ADAMTSL1: variants seen among roughly 807,000 people sequenced by gnomAD.
ADAMTSL1 encodes ADAMTS-like protein 1.
Under a neutral mutation model 201.8 loss-of-function variants are expected in ADAMTSL1, and 126 were observed. That is an observed-to-expected ratio of 0.62 (90% confidence interval 0.54 to 0.72). The LOEUF is 0.72. Ranked by LOEUF, ADAMTSL1 falls within the 30% of genes least tolerant of loss-of-function variation. The pLI, the probability that ADAMTSL1 is intolerant of heterozygous loss-of-function variation, is 0.00. For synonymous variants in ADAMTSL1, 1,121 were observed against 903.4 expected (o/e 1.24, Z -4.32); for missense variants, 2,679 against 2,277.8 (o/e 1.18, Z -3.59).
At chr9:18,808,337 A>T (rs1322950206) in intron 20 of ADAMTSL1, among the ~76,000 whole-genome samples, 3 of 152,158 alleles carry the variant, frequency 2.0e-5, no homozygotes, top group African/African-American at 7.2e-5. Context: ...AAGCAACATT[A>T]TTTTCATTAA....
chr9:18,312,201 G>C (rs1834183800), intron 2 of ADAMTSL1, among the ~76,000 whole-genome samples: 1 of 152,224 alleles, frequency 6.6e-6, no homozygotes, highest in African/African-American at 2.4e-5. Context: ...GCTTTAACCT[G>C]TAAGGTGGTT....
At chr9:18,495,331 G>A (rs1822481389) in intron 1 of ADAMTSL1, among the ~76,000 whole-genome samples, 1 of 152,124 alleles carries the variant, frequency 6.6e-6, no homozygotes, top group Admixed American at 6.5e-5. Context: ...GGGCTATGAG[G>A]TAGGGTAGTG....
intron 2 of ADAMTSL1, among the ~76,000 whole-genome samples, chr9:18,511,752 T>A (rs1326447608): frequency 6.6e-6 from 1 of 152,196 alleles, no homozygotes; most frequent in African/African-American, 2.4e-5. Flanking sequence ...TACACTAATA[T>A]AGGCTTTAGT....
intron 2 of ADAMTSL1, among the ~76,000 whole-genome samples, chr9:18,417,392 A>C (rs1818732991): frequency 6.7e-6 from 1 of 149,736 alleles, no homozygotes; most frequent in African/African-American, 2.4e-5. Context: ...GAAAAAAAAA[A>C]CAAAGATGAG....
chr9:18,209,558 T>C (rs1263590654), intron 2 of ADAMTSL1, among the ~76,000 whole-genome samples: 1 of 152,178 alleles, frequency 6.6e-6, no homozygotes, highest in Admixed American at 6.5e-5. Context: ...CCCGATAAAC[T>C]TAATTCTTGA....
chr9:18,385,408 A>G (rs1837752188), intron 2 of ADAMTSL1, among the ~76,000 whole-genome samples: 1 of 152,174 alleles, frequency 6.6e-6, no homozygotes, highest in Non-Finnish European at 1.5e-5. Flanking sequence ...ACTGAAAACA[A>G]TGAGGAATTT....
chr9:18,689,068 G>T (rs59702319), intron 13 of ADAMTSL1, among the ~76,000 whole-genome samples: 2 of 152,008 alleles, frequency 1.3e-5, no homozygotes, highest in Non-Finnish European at 2.9e-5. Flanking sequence ...AAATATATAG[G>T]AATAGCTTTC....
At chr9:18,588,847 G>A (rs1418751810) in intron 4 of ADAMTSL1, among the ~76,000 whole-genome samples, 1 of 105,400 alleles carries the variant, frequency 9.5e-6, no homozygotes, top group African/African-American at 3.6e-5. Flanking sequence ...CCATGCTGTT[G>A]GGGTTACTAT....
At chr9:18,608,865 T>C (rs35629404) in intron 4 of ADAMTSL1, among the ~76,000 whole-genome samples, 9,597 of 152,210 alleles carry the variant, frequency 0.063, 375 homozygotes, top group Non-Finnish European at 0.091. Flanking sequence ...ACTTTTCCTT[T>C]TAAAAAGATC....
At chr9:18,547,592 C>T (rs907208642) in intron 3 of ADAMTSL1, among the ~76,000 whole-genome samples, 1 of 133,652 alleles carries the variant, frequency 7.5e-6, no homozygotes. Context: ...TCAGGAGTTT[C>T]GAGGAGGCTC....
At chr9:18,200,815 G>A (rs912239558) in intron 2 of ADAMTSL1, among the ~76,000 whole-genome samples, 34 of 151,888 alleles carry the variant, frequency 2.2e-4, no homozygotes, top group Admixed American at 2.0e-3. Flanking sequence ...CATGTGATCC[G>A]AGTAACAGAA....
At chr9:18,167,121 T>C (rs1481877714) in intron 2 of ADAMTSL1, among the ~76,000 whole-genome samples, 2 of 152,120 alleles carry the variant, frequency 1.3e-5, no homozygotes, top group African/African-American at 2.4e-5. Flanking sequence ...AGAAATAAGA[T>C]GTTTGTCAAA....
intron 2 of ADAMTSL1, among the ~76,000 whole-genome samples, chr9:18,448,670 T>C (rs1247515172): frequency 6.6e-6 from 1 of 152,170 alleles, no homozygotes; most frequent in Admixed American, 6.5e-5. Flanking sequence ...AAAGTAAATA[T>C]ATTGGACATT....
chr9:18,419,918 T>TGG (rs1818864887), intron 2 of ADAMTSL1, among the ~76,000 whole-genome samples: 1 of 152,008 alleles, frequency 6.6e-6, no homozygotes, highest in African/African-American at 2.4e-5. Flanking sequence ...TTAGTAGAGA[T>TGG]GGGGTTTCAC....
chr9:18,049,164 A>T (rs914747286), intron 1 of ADAMTSL1, among the ~76,000 whole-genome samples: 4 of 152,198 alleles, frequency 2.6e-5, no homozygotes, highest in Non-Finnish European at 5.9e-5. Context: ...AAGATCCTCA[A>T]CTTCATTACA....
chr9:18,390,277 G>A (rs1837989067), intron 2 of ADAMTSL1, among the ~76,000 whole-genome samples: 1 of 152,066 alleles, frequency 6.6e-6, no homozygotes, highest in Admixed American at 6.6e-5. Context: ...AAACCAAGAG[G>A]TAATTTTCCT....
At chr9:18,594,384 T>C (rs1490706238) in intron 4 of ADAMTSL1, among the ~76,000 whole-genome samples, 1 of 152,170 alleles carries the variant, frequency 6.6e-6, no homozygotes, top group Non-Finnish European at 1.5e-5. Flanking sequence ...GATTTGGACA[T>C]TTTTCTGTTA....
At chr9:18,149,218 T>G (rs189356536) in intron 1 of ADAMTSL1, among the ~76,000 whole-genome samples, 1 of 151,648 alleles carries the variant, frequency 6.6e-6, no homozygotes, top group Non-Finnish European at 1.5e-5. Flanking sequence ...ACCGAGATAA[T>G]GTTGAGTAAA....
intron 23 of ADAMTSL1, among the ~76,000 whole-genome samples, chr9:18,879,278 C>G (rs146018789): frequency 6.6e-6 from 1 of 152,194 alleles, no homozygotes; most frequent in Admixed American, 6.5e-5. Flanking sequence ...CAAATATTCT[C>G]ACTTGCAAAT....
Sources: gnomAD v4.1 joint callset for allele counts (sites outside exome capture counted in the v4.1 genomes callset) on GRCh38, gnomAD v4.1.1 for gene constraint, MANE v1.5 for transcripts, NCBI Gene and HGNC (gene_info 2026-07-23, HGNC 2026-07-21) for gene names.